Variants in MAN1A1 observed in about 807,000 individuals in gnomAD.
MAN1A1 encodes the protein mannosyl-oligosaccharide 1,2-alpha-mannosidase IA.
In MAN1A1, 29 loss-of-function variants were observed where a neutral mutation model predicts 70.8. The ratio of observed to expected loss-of-function variants is 0.41; its 90% CI spans 0.31 to 0.56. The LOEUF (loss-of-function observed/expected upper bound fraction) is 0.56. MAN1A1 is among the 20% of genes least tolerant of loss of function. The pLI, the probability that MAN1A1 is intolerant of heterozygous loss-of-function variation, is 0.29. For missense variants in MAN1A1, 747 were observed against 841.3 expected, an observed-to-expected ratio of 0.89 and a Z score of 1.39; for synonymous variants, 349 against 330.1, an observed-to-expected ratio of 1.06 and a Z score of -0.62.
At chr6:119,208,959 G>A (rs1773966220) in intron 6 of MAN1A1, among the ~76,000 whole-genome samples, 1 of 151,946 alleles carries the variant, frequency 6.6e-6, no homozygotes, top group Admixed American at 6.6e-5. Context: ...GCTGGGCATG[G>A]TGGTGTGCAC....
At chr6:119,280,418 T>C (rs9481897) in intron 5 of MAN1A1, among the ~76,000 whole-genome samples, 1,810 of 152,354 alleles carry the variant, frequency 0.012, 39 homozygotes, top group African/African-American at 0.042. Flanking sequence ...AAATTAATAT[T>C]TGAATTAACA....
intron 2 of MAN1A1, among the ~76,000 whole-genome samples, chr6:119,340,205 A>T (rs1773562874): frequency 6.6e-6 from 1 of 152,192 alleles, no homozygotes; most frequent in African/African-American, 2.4e-5. Flanking sequence ...TAATCATTCC[A>T]CAGGTCTGTT....
intron 2 of MAN1A1, among the ~76,000 whole-genome samples, chr6:119,325,052 T>C (rs1167607493): frequency 1.3e-5 from 2 of 152,194 alleles, no homozygotes; most frequent in Non-Finnish European, 2.9e-5. Flanking sequence ...TATTATTCAA[T>C]TAAAATAATA....
intron 10 of MAN1A1, 62 bp from the exon 11 acceptor site, chr6:119,188,639 C>T: frequency 6.9e-7 from 1 of 1,440,824 alleles, no homozygotes; most frequent in Admixed American, 2.0e-5. Flanking sequence ...CAGTCAATAA[C>T]TTAAATGAAA....
At chr6:119,210,343 C>T (rs1774013412) in intron 6 of MAN1A1, among the ~76,000 whole-genome samples, 1 of 152,096 alleles carries the variant, frequency 6.6e-6, no homozygotes, top group South Asian at 2.1e-4. Flanking sequence ...CTATCAATAG[C>T]TTCAGAGAAC....
intron 6 of MAN1A1, among the ~76,000 whole-genome samples, chr6:119,222,915 G>T (rs2114260832): frequency 6.6e-6 from 1 of 152,108 alleles, no homozygotes; most frequent in South Asian, 2.1e-4. Flanking sequence ...CTCCCATTTT[G>T]TTATTCAAAA....
intron 6 of MAN1A1, among the ~76,000 whole-genome samples, chr6:119,210,022 C>T (rs1417024947): frequency 2.0e-5 from 3 of 152,190 alleles, no homozygotes; most frequent in Admixed American, 6.5e-5. Flanking sequence ...CTTGCTCCAT[C>T]TCATCACGGG....
chr6:119,301,920 C>T (rs1562233275), intron 4 of MAN1A1, 68 bp downstream of exon 4: 1 of 787,918 alleles, frequency 1.3e-6, no homozygotes, highest in Admixed American at 2.1e-5. Context: ...AATAATAGGG[C>T]CCACTACAGA....
intron 2 of MAN1A1, among the ~76,000 whole-genome samples, chr6:119,341,415 T>A (rs2114508687): frequency 6.6e-6 from 1 of 152,232 alleles, no homozygotes; most frequent in East Asian, 1.9e-4. Flanking sequence ...GTCAAGATTA[T>A]CCCAGGTGGA....
chr6:119,221,012 G>A (rs1774345096), intron 6 of MAN1A1, among the ~76,000 whole-genome samples: 1 of 151,480 alleles, frequency 6.6e-6, no homozygotes, highest in Admixed American at 6.6e-5. Flanking sequence ...CTGACATGTT[G>A]TAACAAAGAA....
At chr6:119,226,660 C>G (rs2114269738) in intron 6 of MAN1A1, among the ~76,000 whole-genome samples, 1 of 152,152 alleles carries the variant, frequency 6.6e-6, no homozygotes, top group East Asian at 1.9e-4. Flanking sequence ...ATATAAAGAC[C>G]TGGATATGAA....
Position 119,221,692 on chromosome 6 carries a change from A to G in MAN1A1, c.993-16810T>C, listed in dbSNP as rs546508870. ...GGTCTCAAACTCCTGACCTCAAGTA[A>G]TCTACCCACCTTGGCCTCCCAAAGT... On this transcript the variant is annotated intron_variant, in intron 6 of 12. Coordinates refer to ENST00000368468, the MANE Select transcript of MAN1A1 (RefSeq NM_005907.4). Among the ~76,000 whole-genome samples, 62 of 152,176 alleles carry G rather than the reference A, an allele frequency of 4.1e-4. No homozygotes were observed. The South Asian group carries it at 7.7e-3, about 19-fold the overall frequency.
intron 8 of MAN1A1, among the ~76,000 whole-genome samples, chr6:119,197,082 G>C (rs921657539): frequency 6.6e-6 from 1 of 152,206 alleles, no homozygotes; most frequent in Non-Finnish European, 1.5e-5. Flanking sequence ...GCCGGGGAGG[G>C]CGGATCACCT....
chr6:119,215,412 A>C (rs1313156431), intron 6 of MAN1A1, among the ~76,000 whole-genome samples: 1 of 152,298 alleles, frequency 6.6e-6, no homozygotes. Flanking sequence ...ACTTCTAGGG[A>C]ATCATTAGGG....
intron 8 of MAN1A1, among the ~76,000 whole-genome samples, chr6:119,195,090 C>T (rs1323386195): frequency 6.6e-6 from 1 of 152,124 alleles, no homozygotes; most frequent in African/African-American, 2.4e-5. Flanking sequence ...CTCAGCCTCC[C>T]AAAAGTGCTG....
At chr6:119,300,289 T>G (rs1772351955) in intron 4 of MAN1A1, among the ~76,000 whole-genome samples, 2 of 151,580 alleles carry the variant, frequency 1.3e-5, no homozygotes, top group South Asian at 4.2e-4. Flanking sequence ...GGCGTCTTGC[T>G]CTACTGCCCA....
intron 6 of MAN1A1, among the ~76,000 whole-genome samples, chr6:119,245,305 C>G (rs1775141754): frequency 1.3e-5 from 2 of 152,098 alleles, no homozygotes; most frequent in Non-Finnish European, 2.9e-5. Flanking sequence ...ATATATGTTT[C>G]CCCACTCCTT....
chr6:119,215,958 C>T (rs1774188803), intron 6 of MAN1A1, among the ~76,000 whole-genome samples: 1 of 152,090 alleles, frequency 6.6e-6, no homozygotes, highest in Non-Finnish European at 1.5e-5. Flanking sequence ...AAGGTGAGAC[C>T]AGAAACGATC....
chr6:119,270,682 C>T (rs895127005), intron 5 of MAN1A1, among the ~76,000 whole-genome samples: 1 of 152,206 alleles, frequency 6.6e-6, no homozygotes, highest in African/African-American at 2.4e-5. Context: ...CAAGTTCTTG[C>T]ATGCTGACAA....
Sources: gnomAD v4.1 joint callset for allele counts (sites outside exome capture counted in the v4.1 genomes callset) on GRCh38, gnomAD v4.1.1 for gene constraint, MANE v1.5 for transcripts, NCBI Gene and HGNC (gene_info 2026-07-23, HGNC 2026-07-21) for gene names.